LYZL4: variants seen among roughly 807,000 people sequenced by gnomAD.
LYZL4 encodes lysozyme like 4, also known as lysozyme-like protein 4.
A neutral mutation model predicts 17.6 loss-of-function variants in LYZL4; 13 were observed. That is an observed-to-expected ratio of 0.74 (90% CI 0.48 to 1.18). The LOEUF is 1.18. Among genes scored for constraint, LYZL4 ranks in the 50% most tolerant of loss-of-function variants. LYZL4 has a pLI of 0.00. For synonymous variants in LYZL4, 64 were observed against 67.7 expected (o/e 0.95, Z 0.27); for missense variants, 174 against 188.2 (o/e 0.92, Z 0.44).
the LYZL4 span, among the ~76,000 whole-genome samples, chr3:42,380,748 CT>C: frequency 6.6e-6 from 1 of 152,160 alleles, no homozygotes; most frequent in Non-Finnish European, 1.5e-5. Context: ...CTGGAGTAAA[CT>C]AGTCAAGGAT....
At position 42,409,222 on chromosome 3, in the gene LYZL4, A is replaced by G. The variant is rs554193137; in HGVS notation, c.-93+1195T>C. On this transcript the variant is annotated intron_variant, in intron 1 of 4. Coordinates refer to ENST00000287748, the MANE Select transcript of LYZL4 (RefSeq NM_144634.4). ...TGATTCCTCAGTTTCCTCATCTGTA[A>G]CACAGATTAAAACAGTACTTAATTA... Among the ~76,000 whole-genome samples, 41 of 152,330 alleles carry G rather than the reference A, an allele frequency of 2.7e-4. No homozygotes were observed. In the South Asian group the frequency reaches 8.3e-3, roughly 31 times the overall value.
downstream of LYZL4, among the ~76,000 whole-genome samples, chr3:42,394,713 CGA>C (rs1231658637): frequency 1.3e-5 from 2 of 152,108 alleles, no homozygotes; most frequent in African/African-American, 4.8e-5. Flanking sequence ...TTGGGCAACC[CGA>C]GAGAGGCTGT....
rs1698560469 is a variant in LYZL4 at position 42,397,111 on chromosome 3, T to A, written c.*154A>T. ...AGTAACTAGTTTGGTTTATTCTGCA[T>A]CCTGCATCCCCGGATGAAGCAAACT... On this transcript the variant is annotated 3_prime_UTR_variant, in exon 5 of 5. Coordinates refer to ENST00000287748, the MANE Select transcript of LYZL4 (RefSeq NM_144634.4). The A allele has an allele frequency of 1.7e-6, 1 of 584,882 alleles. No individual in the cohort carries two copies. The highest frequency in any genetic ancestry group is 3.1e-6 in the Non-Finnish European group (1 of 321,302). 36.2% of individuals were successfully genotyped at this position (584,882 alleles called of 1,614,324 possible). A position where few individuals can be genotyped will look rare whatever the true frequency, so the allele number is the denominator to read the frequency against.
At chr3:42,369,157 A>G in the LYZL4 span, among the ~76,000 whole-genome samples, 3 of 152,250 alleles carry the variant, frequency 2.0e-5, no homozygotes, top group African/African-American at 7.2e-5. Flanking sequence ...GGCTTAGAAA[A>G]GCTATGTAAT....
the LYZL4 span, among the ~76,000 whole-genome samples, chr3:42,391,364 G>A: frequency 2.0e-5 from 3 of 152,174 alleles, no homozygotes; most frequent in Non-Finnish European, 4.4e-5. Flanking sequence ...ACTGAGCCGA[G>A]GTCCCTCCAA....
Position 42,407,350 on chromosome 3 carries a change from G to T in LYZL4, c.-92-7C>A. On this transcript the variant is annotated splice_region_variant and splice_polypyrimidine_tract_variant and intron_variant, in intron 1 of 4. Transcript: ENST00000287748. Reference sequence around the variant, plus strand: ...CTGAAGGGAAAGAAGGGCACTGTGGGGGTGGGGGTGGAGCACAGTTCAGTG... The same window carrying T: ...CTGAAGGGAAAGAAGGGCACTGTGGTGGTGGGGGTGGAGCACAGTTCAGTG... 1 of 1,518,474 alleles carries T rather than the reference G, an allele frequency of 6.6e-7. No homozygotes were observed. Among genetic ancestry groups the T allele is most frequent in the East Asian group, 2.3e-5 (1 of 43,898 alleles). The allele number at this position is 1,518,474 out of a possible 1,614,324, so 94.1% of individuals were successfully genotyped here.
the LYZL4 span, among the ~76,000 whole-genome samples, chr3:42,367,755 G>A: frequency 6.6e-6 from 1 of 152,214 alleles, no homozygotes; most frequent in Non-Finnish European, 1.5e-5. Context: ...CCTTGGCTCT[G>A]CTGGGTACAG....
At chr3:42,380,776 T>C in the LYZL4 span, among the ~76,000 whole-genome samples, 1 of 152,188 alleles carries the variant, frequency 6.6e-6, no homozygotes, top group Non-Finnish European at 1.5e-5. Flanking sequence ...TAACAAATAT[T>C]CACTTTCCCA....
At chr3:42,387,759 T>C in the LYZL4 span, among the ~76,000 whole-genome samples, 2 of 152,312 alleles carry the variant, frequency 1.3e-5, no homozygotes, top group African/African-American at 4.8e-5. Context: ...TTCAGCAACA[T>C]GGATCATCTG....
intron 4 of LYZL4, among the ~76,000 whole-genome samples, chr3:42,398,096 C>T (rs1230656369): frequency 6.6e-6 from 1 of 152,174 alleles, no homozygotes; most frequent in Non-Finnish European, 1.5e-5. Context: ...TCTGGCCCCT[C>T]ATAGTTACAG....
downstream of LYZL4, among the ~76,000 whole-genome samples, chr3:42,395,752 G>T (rs770674739): frequency 2.0e-5 from 3 of 152,164 alleles, no homozygotes; most frequent in East Asian, 5.8e-4. Context: ...CTTTGTAATG[G>T]TTTTTAAAAT....
the LYZL4 span, among the ~76,000 whole-genome samples, chr3:42,382,986 G>T: frequency 6.6e-6 from 1 of 151,936 alleles, no homozygotes; most frequent in Non-Finnish European, 1.5e-5. Flanking sequence ...GAGGCTAAGT[G>T]GCTCAAAGTC....
chr3:42,386,432 C>A, the LYZL4 span, among the ~76,000 whole-genome samples: 2 of 130,026 alleles, frequency 1.5e-5, no homozygotes, highest in African/African-American at 5.6e-5. Flanking sequence ...TTTTAAGGAC[C>A]CTTGTGGTTA....
the LYZL4 span, among the ~76,000 whole-genome samples, chr3:42,368,327 T>C: frequency 6.6e-6 from 1 of 152,206 alleles, no homozygotes. Context: ...GGGTTTTTAT[T>C]TGGTGGGGCG....
chr3:42,397,934 G>A (rs1316970999), intron 4 of LYZL4, among the ~76,000 whole-genome samples: 1 of 152,136 alleles, frequency 6.6e-6, no homozygotes, highest in African/African-American at 2.4e-5. Context: ...CCAGACTTCA[G>A]GTTCTCCAGT....
At chr3:42,383,918 C>A in the LYZL4 span, among the ~76,000 whole-genome samples, 1 of 151,942 alleles carries the variant, frequency 6.6e-6, no homozygotes, top group Non-Finnish European at 1.5e-5. Context: ...ATGGGAATTC[C>A]AGGGAGAATC....
At chr3:42,402,989 G>GC (rs371511226) in intron 4 of LYZL4, among the ~76,000 whole-genome samples, 8 of 152,268 alleles carry the variant, frequency 5.3e-5, no homozygotes, top group Admixed American at 6.5e-5. Context: ...TCAGACATAG[G>GC]CCAACCACTT....
At chr3:42,382,148 T>A in the LYZL4 span, among the ~76,000 whole-genome samples, 1 of 152,270 alleles carries the variant, frequency 6.6e-6, no homozygotes, top group Admixed American at 6.5e-5. Flanking sequence ...ATATACAAAG[T>A]CTTTCACTAA....
At chr3:42,392,702 A>G (rs1411735607), downstream of LYZL4, among the ~76,000 whole-genome samples, 1 of 152,086 alleles carries the variant, frequency 6.6e-6, no homozygotes, top group Non-Finnish European at 1.5e-5. Context: ...AGAAGTGAGG[A>G]CATGAGGTGA....
Sources: allele counts gnomAD v4.1 joint callset (sites outside exome capture counted in the v4.1 genomes callset), GRCh38; gene constraint gnomAD v4.1.1; transcripts MANE v1.5; gene names NCBI Gene and HGNC (gene_info 2026-07-23, HGNC 2026-07-21).